The following PCDHGB4 variants were observed in gnomAD, a reference collection of about 807,000 sequenced individuals.
PCDHGB4 encodes the protein protocadherin gamma subfamily B, 4.
Under a neutral mutation model 60.5 loss-of-function variants are expected in PCDHGB4, and 38 were observed. That is an observed-to-expected ratio of 0.63 (90% CI 0.48 to 0.82). The LOEUF (loss-of-function observed/expected upper bound fraction) is 0.82. PCDHGB4 is among the 40% of genes least tolerant of loss of function. PCDHGB4 has a pLI of 0.00. For synonymous variants in PCDHGB4, 456 were observed against 509.7 expected (o/e 0.89, Z 1.42); for missense variants, 1,109 against 1,209.6 (o/e 0.92, Z 1.23).
chr5:141,419,420 G>C (rs774685112), intron 1 of PCDHGB4: 10 of 1,613,372 alleles, frequency 6.2e-6, no homozygotes, highest in Non-Finnish European at 7.6e-6. Flanking sequence ...GCGCGCCTTC[G>C]ACCACGAGCA....
intron 1 of PCDHGB4, chr5:141,411,430 A>C (rs918915726): frequency 6.6e-6 from 1 of 151,188 alleles, no homozygotes; most frequent in Admixed American, 6.6e-5. Context: ...CAACAAAAAA[A>C]AACATTAGCA....
rs771106873 is a variant in PCDHGB4, at chr5:141,426,860, A to C, written c.2397+36579A>C. 5 of 456,702 alleles carry C rather than the reference A, an allele frequency of 1.1e-5. No individual in the cohort carries two copies. In the Admixed American group the frequency reaches 1.2e-4, roughly 11 times the overall value. The allele number at this position is 456,702 out of a possible 1,614,324, so 28.3% of individuals were successfully genotyped here. A position where few individuals can be genotyped will look rare whatever the true frequency, so the allele number is the denominator to read the frequency against. On this transcript the variant is annotated intron_variant, in intron 1 of 3. Transcript: ENST00000519479. ...CTAAAGGCAAGAACGCTCCAGAATT[A>C]GTGCTGGAGAAGCCCCTGGGCCAGG...
chr5:141,450,815 ATAT>A (rs1420984335), intron 1 of PCDHGB4, among the ~76,000 whole-genome samples: 6 of 126,742 alleles, frequency 4.7e-5, no homozygotes, highest in South Asian at 2.4e-4. Flanking sequence ...TATTTATTTA[ATAT>A]TATTATTATT....
Position 141,491,947 on chromosome 5 carries a change from C to T in PCDHGB4, c.2398-2860C>T. ...GGGGAGGTGGGACCGACCCCCACCCCTACACTCAAAAAAGGCCGGGGCCTC... is the reference window on the plus strand; with the variant it reads ...GGGGAGGTGGGACCGACCCCCACCCTTACACTCAAAAAAGGCCGGGGCCTC... On this transcript the variant is annotated intron_variant, in intron 1 of 3. Coordinates refer to ENST00000519479, the MANE Select transcript of PCDHGB4 (RefSeq NM_003736.4). The surrounding 1 kb of genome is among the most constrained non-coding windows in gnomAD (Gnocchi z 6.9). 1 of 1,114,210 alleles carries T rather than the reference C, an allele frequency of 9.0e-7. No individual in the cohort carries two copies. The highest frequency in any genetic ancestry group is 1.2e-6 in the Non-Finnish European group (1 of 815,758). 69.0% of individuals were successfully genotyped at this position (1,114,210 alleles called of 1,614,324 possible). A position where few individuals can be genotyped will look rare whatever the true frequency, so the allele number is the denominator to read the frequency against.
At chr5:141,419,155 A>G in intron 1 of PCDHGB4, 1 of 1,613,966 alleles carries the variant, frequency 6.2e-7, no homozygotes, top group Middle Eastern at 1.6e-4. Context: ...AGCCTCCGTT[A>G]TCCTCCAGCA....
In PCDHGB4 at chr5:141,431,628, A is replaced by C. The variant is rs1204083567; in HGVS notation, c.2397+41347A>C. Reference sequence around the variant, plus strand: ...CGGTATGTGGACGACAAGGCGGCCCAAGTTTTCAAACTAGATTGTAATTCA... The same window carrying C: ...CGGTATGTGGACGACAAGGCGGCCCCAGTTTTCAAACTAGATTGTAATTCA... On this transcript the variant is annotated intron_variant, in intron 1 of 3. Coordinates refer to ENST00000519479, the MANE Select transcript of PCDHGB4 (RefSeq NM_003736.4). The surrounding 1 kb of genome is among the most constrained non-coding windows in gnomAD (Gnocchi z 4.8). 1 of 1,614,256 alleles carries C rather than the reference A, an allele frequency of 6.2e-7. No individual in the cohort carries two copies. The highest frequency in any genetic ancestry group is 8.5e-7 in the Non-Finnish European group (1 of 1,180,050).
At chr5:141,438,610 A>G (rs2098013566) in intron 1 of PCDHGB4, among the ~76,000 whole-genome samples, 1 of 30,060 alleles carries the variant, frequency 3.3e-5, no homozygotes, top group African/African-American at 2.4e-4. Flanking sequence ...ATATATATAT[A>G]TATATATATA....
At chr5:141,473,212 C>G (rs1311953997) in intron 1 of PCDHGB4, among the ~76,000 whole-genome samples, 1 of 152,012 alleles carries the variant, frequency 6.6e-6, no homozygotes, top group Non-Finnish European at 1.5e-5. Flanking sequence ...AAAATGCTTA[C>G]TTCCAGGGAG....
chr5:141,394,616 C>A, intron 1 of PCDHGB4: 1 of 1,613,490 alleles, frequency 6.2e-7, no homozygotes, highest in African/African-American at 1.3e-5. Flanking sequence ...CGGGCCAGAA[C>A]GCCTGGCTGT....
chr5:141,477,656 C>A lies in PCDHGB4; in HGVS notation c.2398-17151C>A. ...AGTGGGTCGCTATTTCACAATAAAT[C>A]GTGACAATGGCATAGTGTCATCCTT... On this transcript the variant is annotated intron_variant, in intron 1 of 3. Transcript: ENST00000519479. The surrounding 1 kb of genome is among the most constrained non-coding windows in gnomAD (Gnocchi z 4.9). 1 of 1,614,184 alleles carries A rather than the reference C, an allele frequency of 6.2e-7. No homozygotes were observed.
At chr5:141,410,063 C>CTGCGCACTGGGGAGG (rs2095353294) in intron 1 of PCDHGB4, 2 of 1,612,972 alleles carry the variant, frequency 1.2e-6, no homozygotes, top group Non-Finnish European at 1.7e-6. Context: ...CAGCCTGGGG[C>CTGCGCACTGGGGAGG]TGCGCACTGG....
rs144796076 is a variant in PCDHGB4, at chr5:141,394,245, G to A, written c.2397+3964G>A. ...CTCCATCTTTTCCTTGACTGCACACGACCCCGACAGCCAGGAGAATGCCCA... is the reference window on the plus strand; with the variant it reads ...CTCCATCTTTTCCTTGACTGCACACAACCCCGACAGCCAGGAGAATGCCCA... On this transcript the variant is annotated intron_variant, in intron 1 of 3. Transcript: ENST00000519479. The A allele has an allele frequency of 2.5e-3, 4,038 of 1,613,812 alleles. 13 individuals carry two copies. The highest frequency in any genetic ancestry group is 6.1e-3 in the Middle Eastern group (37 of 6,062).
chr5:141,409,875 A>G, intron 1 of PCDHGB4: 1 of 1,612,810 alleles, frequency 6.2e-7, no homozygotes, highest in Non-Finnish European at 8.5e-7. Flanking sequence ...CGCAATGACA[A>G]CGCACCGCGG....
At chr5:141,494,638 A>G (rs2099755799) in intron 1 of PCDHGB4, 169 bp from the exon 2 acceptor site, 1 of 896,388 alleles carries the variant, frequency 1.1e-6, no homozygotes, top group African/African-American at 1.8e-5. Context: ...GACCTCTGAG[A>G]CCTGAGGTGT....
At chr5:141,453,786 A>G (rs2098774297) in intron 1 of PCDHGB4, among the ~76,000 whole-genome samples, 1 of 152,252 alleles carries the variant, frequency 6.6e-6, no homozygotes, top group Non-Finnish European at 1.5e-5. Flanking sequence ...TTACCATGGT[A>G]TATTAACTTT....
At chr5:141,472,359 G>T (rs2099278248) in intron 1 of PCDHGB4, among the ~76,000 whole-genome samples, 1 of 151,944 alleles carries the variant, frequency 6.6e-6, no homozygotes, top group Admixed American at 6.6e-5. Flanking sequence ...GGCTAACACG[G>T]TGAAACCCCG....
At chr5:141,510,863 A>G in intron 3 of PCDHGB4, 84 bp from the exon 4 acceptor site, 1 of 1,607,492 alleles carries the variant, frequency 6.2e-7, no homozygotes, top group African/African-American at 1.3e-5. Flanking sequence ...CTGTATAGGC[A>G]TTCATTAACT....
intron 1 of PCDHGB4, among the ~76,000 whole-genome samples, chr5:141,488,738 A>G (rs1462948813): frequency 1.3e-5 from 2 of 152,222 alleles, no homozygotes; most frequent in Non-Finnish European, 2.9e-5. Context: ...TTCTGAAGTC[A>G]TGCAGGAAGT....
chr5:141,414,752 A>G (rs1339630983), intron 1 of PCDHGB4: 9 of 1,614,110 alleles, frequency 5.6e-6, no homozygotes, highest in Non-Finnish European at 7.6e-6. Flanking sequence ...TCCTTCGACT[A>G]TGAGCAGTTT....
Sources: allele counts gnomAD v4.1 joint callset (sites outside exome capture counted in the v4.1 genomes callset), GRCh38; gene constraint gnomAD v4.1.1; non-coding constraint Gnocchi (gnomAD v3.1); transcripts MANE v1.5; gene names NCBI Gene and HGNC (gene_info 2026-07-23, HGNC 2026-07-21).